Variants in ANO2 observed in about 807,000 individuals in gnomAD.
ANO2 encodes anoctamin 2.
ANO2 carries 101 observed loss-of-function variants against 124.2 expected under a neutral mutation model. The observed-to-expected ratio is 0.81, with a 90% CI of 0.69 to 0.96. The LOEUF (loss-of-function observed/expected upper bound fraction) is 0.96. Among genes scored for constraint, ANO2 ranks in the 40% least tolerant of loss-of-function variants. ANO2 has a pLI of 0.00. For missense variants in ANO2, 1,293 were observed against 1,274.5 expected (o/e 1.01, Z -0.22); for synonymous variants, 486 against 482.5 (o/e 1.01, Z -0.09).
chr12:5,596,895 T>A (rs1591697939), intron 20 of ANO2, among the ~76,000 whole-genome samples: 1 of 152,168 alleles, frequency 6.6e-6, no homozygotes, highest in South Asian at 2.1e-4. Flanking sequence ...AGATACTAAT[T>A]CATTCACTAC....
chr12:5,718,510 AAC>A (rs1261447436), intron 14 of ANO2, among the ~76,000 whole-genome samples: 6 of 152,240 alleles, frequency 3.9e-5, no homozygotes, highest in Non-Finnish European at 8.8e-5. Context: ...TGACAAAGCC[AAC>A]AGTCGAGTAG....
At chr12:5,922,539 G>A (rs1284709916) in intron 2 of ANO2, 81 bp downstream of exon 2, 15 of 1,417,408 alleles carry the variant, frequency 1.1e-5, no homozygotes, top group South Asian at 4.2e-5. Context: ...CCCAACTGGA[G>A]GATCCCCCAG....
intron 7 of ANO2, among the ~76,000 whole-genome samples, chr12:5,822,753 T>C (rs1258009817): frequency 2.0e-5 from 3 of 152,200 alleles, no homozygotes; most frequent in African/African-American, 7.2e-5. Context: ...ACGCAATGCT[T>C]CTGCCAAGAC....
Position 5,635,494 on chromosome 12 carries a change from GT to G in ANO2, c.1621-148del. 2.7e-6 allele frequency: 2 copies of G among 753,218 alleles called. No homozygotes were observed. The highest frequency in any genetic ancestry group is 6.3e-5 in the South Asian group (2 of 31,706). 46.7% of individuals were successfully genotyped at this position (753,218 alleles called of 1,614,324 possible). ...TAACAAGGGATTCCAGATATTATTA[GT>G]CTGGAATATTTGGGTGGGTAACAAA... On this transcript the variant is annotated intron_variant, in intron 15 of 24. Coordinates refer to ENST00000682330, the MANE Select transcript of ANO2 (RefSeq NM_001364791.2). The surrounding 1 kb of genome is among the most constrained non-coding windows in gnomAD (Gnocchi z 5.2).
intron 14 of ANO2, among the ~76,000 whole-genome samples, chr12:5,668,724 A>G (rs1011502236): frequency 1.3e-5 from 2 of 152,166 alleles, no homozygotes; most frequent in African/African-American, 4.8e-5. Context: ...CTTTTGGTAT[A>G]AGGTGTAAGA....
chr12:5,626,562 A>C (rs1475786392), intron 16 of ANO2, among the ~76,000 whole-genome samples: 1 of 152,256 alleles, frequency 6.6e-6, no homozygotes, highest in African/African-American at 2.4e-5. Flanking sequence ...GGTTCTACCC[A>C]GGCATCTCCA....
intron 3 of ANO2, among the ~76,000 whole-genome samples, chr12:5,857,345 G>GTCAGT (rs1434849566): frequency 6.6e-6 from 1 of 152,108 alleles, no homozygotes; most frequent in Non-Finnish European, 1.5e-5. Context: ...GGGGGTGCAG[G>GTCAGT]TATCCCCTTG....
chr12:5,863,100 G>A (rs887005335), intron 3 of ANO2, among the ~76,000 whole-genome samples: 2 of 152,106 alleles, frequency 1.3e-5, no homozygotes, highest in Non-Finnish European at 2.9e-5. Flanking sequence ...CCACCCACGT[G>A]GAACTGTGAG....
chr12:5,660,092 C>T (rs994005012), intron 14 of ANO2, among the ~76,000 whole-genome samples: 1 of 152,088 alleles, frequency 6.6e-6, no homozygotes, highest in Non-Finnish European at 1.5e-5. Context: ...AATGATGGTT[C>T]GACTTACAAT....
intron 1 of ANO2, 67 bp from the exon 2 acceptor site, chr12:5,922,871 C>T (rs1941781371): frequency 1.4e-6 from 2 of 1,397,254 alleles, no homozygotes; most frequent in South Asian, 1.6e-5. Context: ...CACTGAGGTA[C>T]TGAGTGTACT....
At chr12:5,765,020 T>C (rs1326044975) in intron 10 of ANO2, among the ~76,000 whole-genome samples, 1 of 152,078 alleles carries the variant, frequency 6.6e-6, no homozygotes, top group Non-Finnish European at 1.5e-5. Flanking sequence ...GACTATTCTG[T>C]CTACCCATAA....
chr12:5,810,162 G>A (rs1953342471), intron 7 of ANO2, among the ~76,000 whole-genome samples: 1 of 152,226 alleles, frequency 6.6e-6, no homozygotes, highest in East Asian at 1.9e-4. Flanking sequence ...GTATCCTATG[G>A]GTGATCCCAA....
intron 14 of ANO2, among the ~76,000 whole-genome samples, chr12:5,729,887 G>A (rs915777003): frequency 5.9e-5 from 9 of 152,156 alleles, no homozygotes; most frequent in South Asian, 2.1e-4. Flanking sequence ...AAAATGTTGC[G>A]AAGTGAAAGA....
intron 10 of ANO2, among the ~76,000 whole-genome samples, chr12:5,759,166 A>C (rs917045942): frequency 1.4e-5 from 2 of 146,150 alleles, no homozygotes; most frequent in Non-Finnish European, 3.0e-5. Flanking sequence ...AAAAAAAAAA[A>C]CAACAAAACA....
intron 14 of ANO2, among the ~76,000 whole-genome samples, chr12:5,654,886 A>G (rs1010113185): frequency 1.1e-4 from 17 of 152,230 alleles, no homozygotes; most frequent in Non-Finnish European, 1.0e-4. Flanking sequence ...ATATTGAATC[A>G]GAGCAGCCAT....
Position 5,636,877 on chromosome 12 carries a change from C to T in ANO2, c.1621-1530G>A, listed in dbSNP as rs921208082. Among the ~76,000 whole-genome samples, 1 of 152,054 alleles carries T rather than the reference C, an allele frequency of 6.6e-6. No homozygotes were observed. The highest frequency in any genetic ancestry group is 2.4e-5 in the African/African-American group (1 of 41,398). The stretch of plus-strand genomic sequence containing the variant: ...CTGGTGGCAGACTCAGCTCTTTATC[C>T]TGGTAGGCTTCAAAAAATACCAGTA... On this transcript the variant is annotated intron_variant, in intron 15 of 24. Transcript: ENST00000682330. The surrounding 1 kb of genome is among the most constrained non-coding windows in gnomAD (Gnocchi z 4.6).
At chr12:5,707,419 A>T (rs2137035200) in intron 14 of ANO2, among the ~76,000 whole-genome samples, 1 of 152,334 alleles carries the variant, frequency 6.6e-6, no homozygotes, top group Middle Eastern at 3.4e-3. Context: ...TTTACAATTT[A>T]CATAATTCCT....
At chr12:5,698,160 C>A (rs1247596398) in intron 14 of ANO2, among the ~76,000 whole-genome samples, 1 of 152,180 alleles carries the variant, frequency 6.6e-6, no homozygotes, top group Non-Finnish European at 1.5e-5. Context: ...CAAGTGGGTC[C>A]CGGACTCCCG....
chr12:5,641,677 G>T (rs183751181), intron 15 of ANO2, among the ~76,000 whole-genome samples: 68 of 152,270 alleles, frequency 4.5e-4, no homozygotes, highest in African/African-American at 1.6e-3. Context: ...TTCAGTTCCC[G>T]GAACTTGCTG....
Sources: gnomAD v4.1 joint callset for allele counts (sites outside exome capture counted in the v4.1 genomes callset) on GRCh38, gnomAD v4.1.1 for gene constraint, Gnocchi (gnomAD v3.1) non-coding constraint, MANE v1.5 for transcripts, NCBI Gene and HGNC (gene_info 2026-07-23, HGNC 2026-07-21) for gene names.